NPAS3: variants seen among roughly 807,000 people sequenced by gnomAD.
The protein encoded by NPAS3 is neuronal PAS domain-containing protein 3.
A neutral mutation model predicts 73.1 loss-of-function variants in NPAS3; 14 were observed. The ratio of observed to expected loss-of-function variants is 0.19; its 90% CI spans 0.13 to 0.30. NPAS3 has a LOEUF of 0.30. Ranked by LOEUF, NPAS3 falls within the 10% of genes least tolerant of loss-of-function variation. The probability of loss-of-function intolerance (pLI) is 1.00; values close to 1 mark genes in which losing one functional copy is unlikely to be tolerated. For synonymous variants in NPAS3, 620 were observed against 541.5 expected, an observed-to-expected ratio of 1.14 and a Z score of -2.01; for missense variants, 1,096 against 1,250.0, an observed-to-expected ratio of 0.88 and a Z score of 1.86.
At chr14:33,226,452 G>A (rs538004145) in intron 3 of NPAS3, among the ~76,000 whole-genome samples, 2 of 152,176 alleles carry the variant, frequency 1.3e-5, no homozygotes, top group African/African-American at 2.4e-5. Context: ...GTATTTAGTG[G>A]TATTATTATC....
At chr14:33,201,976 G>A (rs1029694546) in intron 2 of NPAS3, among the ~76,000 whole-genome samples, 4 of 152,138 alleles carry the variant, frequency 2.6e-5, no homozygotes, top group East Asian at 1.9e-4. Context: ...TTTCAGTTTT[G>A]TATGTACTTA....
intron 3 of NPAS3, among the ~76,000 whole-genome samples, chr14:33,338,589 T>C (rs1268807688): frequency 2.6e-5 from 4 of 152,218 alleles, no homozygotes; most frequent in African/African-American, 7.2e-5. Context: ...GTTTGACTTT[T>C]GGCACATCTC....
intron 4 of NPAS3, among the ~76,000 whole-genome samples, chr14:33,402,744 A>G (rs564048252): frequency 1.1e-4 from 16 of 152,252 alleles, no homozygotes; most frequent in Non-Finnish European, 1.6e-4. Flanking sequence ...CTTTCCCTCA[A>G]TGGGAATTTA....
chr14:33,687,554 G>C (rs1343132169), intron 6 of NPAS3, among the ~76,000 whole-genome samples: 1 of 152,188 alleles, frequency 6.6e-6, no homozygotes, highest in African/African-American at 2.4e-5. Flanking sequence ...GAAATCAAAA[G>C]TGTCAATTGA....
chr14:33,013,353 T>C (rs1304878886), intron 1 of NPAS3, among the ~76,000 whole-genome samples: 1 of 152,180 alleles, frequency 6.6e-6, no homozygotes. Flanking sequence ...AAAGAAAAAG[T>C]CTGAAATGGA....
intron 6 of NPAS3, among the ~76,000 whole-genome samples, chr14:33,683,634 A>T (rs548533468): frequency 3.6e-4 from 55 of 152,294 alleles, no homozygotes; most frequent in African/African-American, 1.3e-3. Flanking sequence ...CTTATGAAGG[A>T]TCAGTTACCT....
At chr14:33,720,267 T>C (rs945358657) in intron 6 of NPAS3, among the ~76,000 whole-genome samples, 2 of 152,196 alleles carry the variant, frequency 1.3e-5, no homozygotes, top group African/African-American at 4.8e-5. Context: ...AGAATACTTA[T>C]GAATATGCTT....
intron 4 of NPAS3, among the ~76,000 whole-genome samples, chr14:33,374,467 T>C (rs920989417): frequency 6.6e-6 from 1 of 150,592 alleles, no homozygotes; most frequent in African/African-American, 2.4e-5. Context: ...AACATATAGG[T>C]TCTCTATCTA....
chr14:33,468,090 G>A (rs1466319564), intron 4 of NPAS3, among the ~76,000 whole-genome samples: 1 of 152,170 alleles, frequency 6.6e-6, no homozygotes, highest in Non-Finnish European at 1.5e-5. Context: ...ATCCAGGCAT[G>A]CAAATGCAAT....
At chr14:33,257,936 T>C (rs1053836285) in intron 3 of NPAS3, among the ~76,000 whole-genome samples, 1 of 152,212 alleles carries the variant, frequency 6.6e-6, no homozygotes, top group African/African-American at 2.4e-5. Context: ...GGTGGTATGA[T>C]AGAAAGATTA....
chr14:33,754,294 C>T (rs1178082018), intron 7 of NPAS3, among the ~76,000 whole-genome samples: 2 of 151,940 alleles, frequency 1.3e-5, no homozygotes, highest in African/African-American at 2.4e-5. Context: ...GATTGGAATC[C>T]GGGGTATCAA....
intron 4 of NPAS3, among the ~76,000 whole-genome samples, chr14:33,510,986 G>C (rs1229930946): frequency 6.6e-6 from 1 of 152,068 alleles, no homozygotes; most frequent in East Asian, 1.9e-4. Context: ...TCTTAGGTGG[G>C]TACCTCCAGT....
chr14:33,198,712 T>C (rs2046482139), intron 2 of NPAS3, among the ~76,000 whole-genome samples: 1 of 152,220 alleles, frequency 6.6e-6, no homozygotes, highest in South Asian at 2.1e-4. Flanking sequence ...GGGGCGGAGC[T>C]GCCCGCCAGC....
intron 3 of NPAS3, among the ~76,000 whole-genome samples, chr14:33,268,534 G>A (rs1190363474): frequency 4.6e-5 from 7 of 151,824 alleles, no homozygotes. Context: ...CTCCTTTATT[G>A]TATCTCTTTT....
intron 4 of NPAS3, among the ~76,000 whole-genome samples, chr14:33,553,414 A>C (rs2055213157): frequency 6.6e-6 from 1 of 152,166 alleles, no homozygotes; most frequent in East Asian, 1.9e-4. Flanking sequence ...TATGGCTCTT[A>C]ACTGTTTTCT....
At chr14:33,279,675 G>A (rs1024025901) in intron 3 of NPAS3, among the ~76,000 whole-genome samples, 1 of 152,134 alleles carries the variant, frequency 6.6e-6, no homozygotes, top group African/African-American at 2.4e-5. Flanking sequence ...TAGGGGTAGA[G>A]AGCTTTTTAG....
chr14:33,494,108 T>C (rs1375943302), intron 4 of NPAS3, among the ~76,000 whole-genome samples: 1 of 152,106 alleles, frequency 6.6e-6, no homozygotes, highest in Non-Finnish European at 1.5e-5. Flanking sequence ...TACAATACAT[T>C]GTAATGGCTC....
intron 5 of NPAS3, among the ~76,000 whole-genome samples, chr14:33,565,410 A>C (rs1168231973): frequency 2.6e-5 from 4 of 152,244 alleles, no homozygotes; most frequent in African/African-American, 9.6e-5. Flanking sequence ...ATAAAGAAGA[A>C]TTAGATTCCC....
intron 1 of NPAS3, among the ~76,000 whole-genome samples, chr14:33,006,977 C>G (rs912119381): frequency 3.9e-5 from 6 of 152,128 alleles, no homozygotes; most frequent in Admixed American, 2.0e-4. Flanking sequence ...TTTGTAAACA[C>G]TAGTTTATTG....
Sources: gnomAD v4.1 joint callset for allele counts (sites outside exome capture counted in the v4.1 genomes callset) on GRCh38, gnomAD v4.1.1 for gene constraint, MANE v1.5 for transcripts, NCBI Gene and HGNC (gene_info 2026-07-23, HGNC 2026-07-21) for gene names.